Variants in FRY observed in about 807,000 individuals in gnomAD.
The protein encoded by FRY is protein furry homolog.
In FRY, 128 loss-of-function variants were observed where a neutral mutation model predicts 348.4. The observed-to-expected ratio is 0.37, with a 90% CI of 0.32 to 0.43. FRY has a LOEUF of 0.43. Among genes scored for constraint, FRY ranks in the 20% least tolerant of loss-of-function variants. The probability of loss-of-function intolerance (pLI) is 1.00; values close to 1 mark genes in which losing one functional copy is unlikely to be tolerated. For missense variants in FRY, 2,736 were observed against 3,695.2 expected, an observed-to-expected ratio of 0.74 and a Z score of 6.73; for synonymous variants, 1,370 against 1,374.7, an observed-to-expected ratio of 1.00 and a Z score of 0.08.
intron 1 of FRY, among the ~76,000 whole-genome samples, chr13:32,059,544 T>C (rs1380051188): frequency 9.3e-6 from 1 of 107,350 alleles, no homozygotes; most frequent in Non-Finnish European, 2.2e-5. Context: ...TTTTCTTTCA[T>C]CTTTTTTTTG....
intron 51 of FRY, among the ~76,000 whole-genome samples, chr13:32,255,765 G>C (rs1230257643): frequency 1.3e-5 from 2 of 152,194 alleles, no homozygotes; most frequent in Non-Finnish European, 2.9e-5. Context: ...AAATACAACT[G>C]TTTTGAATAC....
chr13:32,203,056 A>G lies in FRY; in HGVS notation c.4018+529A>G, dbSNP rs538206080. Among the ~76,000 whole-genome samples the G allele has an allele frequency of 4.6e-5, 7 of 152,348 alleles. No homozygotes were observed. The East Asian group carries it at 1.3e-3, about 29-fold the overall frequency. On this transcript the variant is annotated intron_variant, in intron 31 of 60. Coordinates refer to ENST00000542859, the MANE Select transcript of FRY (RefSeq NM_023037.3). ...TGAAAGTAAATTCTATAATTGTTAA[A>G]TGAAAAAAATTTCTTTATCTAAAGC...
intron 1 of FRY, among the ~76,000 whole-genome samples, chr13:32,059,569 G>A (rs546764657): frequency 6.6e-6 from 1 of 151,660 alleles, no homozygotes; most frequent in South Asian, 2.1e-4. Context: ...AGATTTAGGG[G>A]TGCACGTGCC....
intron 2 of FRY, among the ~76,000 whole-genome samples, chr13:32,093,351 C>G (rs1438918934): frequency 6.6e-6 from 1 of 152,192 alleles, no homozygotes; most frequent in African/African-American, 2.4e-5. Flanking sequence ...AAGGTCCACA[C>G]ATTGCAGTAG....
chr13:32,208,816 G>A lies in FRY; in HGVS notation c.4019-37G>A, dbSNP rs144643490. ...ATTTCCATTTATTTTGGTGGAATAA[G>A]GTATGGATGACTCTCTGTCACTGCA... On this transcript the variant is annotated intron_variant, in intron 31 of 60. Transcript: ENST00000542859. 3.6e-4 allele frequency: 581 copies of A among 1,612,920 alleles called. 2 individuals are homozygous for A. The African/African-American group carries it at 7.2e-3, about 20-fold the overall frequency.
At chr13:32,258,000 T>C (rs781226685) in intron 51 of FRY, 2 of 1,585,302 alleles carry the variant, frequency 1.3e-6, no homozygotes, top group South Asian at 1.1e-5. Flanking sequence ...TTAATTCAAA[T>C]ATGCTAGTAG....
chr13:32,179,678 A>G lies in FRY; in HGVS notation c.2875A>G (p.Ile959Val), dbSNP rs779667312. ...DGTVSYDNKA[I>V]GTPSVGVLLK... Reference sequence around the variant, plus strand: ...ACTTGTATTCAACTTATTTCAGGCCATAGGCACCCCATCGGTGGGAGTTCT... The same window carrying G: ...ACTTGTATTCAACTTATTTCAGGCCGTAGGCACCCCATCGGTGGGAGTTCT... The change falls in exon 23 of 61, where the codon ATA becomes GTA. Residue 959 changes from isoleucine to valine, a missense_variant. Physicochemically the swap from Ile to Val is conservative, Grantham distance 29 (BLOSUM62 3). Around this residue, in one of 9 missense-constraint regions of FRY, gnomAD observed 449 missense variants for 576.9 expected, o/e 0.78. Transcript: ENST00000542859. 1 of 1,614,114 alleles carries G rather than the reference A, an allele frequency of 6.2e-7. No individual in the cohort carries two copies. The highest frequency in any genetic ancestry group is 8.5e-7 in the Non-Finnish European group (1 of 1,179,972).
intron 3 of FRY, among the ~76,000 whole-genome samples, chr13:32,103,640 C>T (rs1877319990): frequency 6.6e-6 from 1 of 152,040 alleles, no homozygotes; most frequent in Non-Finnish European, 1.5e-5. Flanking sequence ...TGCACATGTA[C>T]CCTAAAACTT....
intron 49 of FRY, 102 bp from the exon 50 acceptor site, chr13:32,251,776 A>G (rs2806632): frequency 0.54 from 421,612 of 781,446 alleles, 116,521 homozygotes; most frequent in Middle Eastern, 0.59. Context: ...CATTCTGTCT[A>G]TACGTTAAGT....
chr13:32,124,699 C>A lies in FRY; in HGVS notation c.635+18C>A. 1.3e-6 allele frequency: 2 copies of A among 1,540,566 alleles called. No individual in the cohort carries two copies. The highest frequency in any genetic ancestry group is 1.8e-6 in the Non-Finnish European group (2 of 1,113,008). On this transcript the variant is annotated intron_variant, in intron 6 of 60. Coordinates refer to ENST00000542859, the MANE Select transcript of FRY (RefSeq NM_023037.3). The stretch of plus-strand genomic sequence containing the variant: ...AAAGAAGGGTAAGATGATTTCTCAC[C>A]TTAGAATGTTGAAGTTGGTGTTTAA...
At chr13:32,156,862 T>C (rs1343355564) in intron 15 of FRY, among the ~76,000 whole-genome samples, 1 of 152,174 alleles carries the variant, frequency 6.6e-6, no homozygotes, top group Non-Finnish European at 1.5e-5. Flanking sequence ...CATATATATT[T>C]CAGAGGGCCA....
chr13:32,267,092 CAG>C, intron 54 of FRY, 76 bp from the exon 55 acceptor site: 1 of 1,349,050 alleles, frequency 7.4e-7, no homozygotes, highest in South Asian at 1.2e-5. Context: ...TGCTGACTCT[CAG>C]GGTGAGAATT....
intron 2 of FRY, among the ~76,000 whole-genome samples, chr13:32,088,424 C>T (rs917781763): frequency 4.6e-5 from 7 of 152,164 alleles, no homozygotes; most frequent in African/African-American, 1.2e-4. Context: ...TAGCCTGGAA[C>T]GTCCCTTAAA....
In FRY at chr13:32,225,781, TG is replaced by T. The variant is rs1885548271; in HGVS notation, c.5021-7del. The T allele has an allele frequency of 2.5e-6, 4 of 1,609,194 alleles. No homozygotes were observed. The highest frequency in any genetic ancestry group is 2.7e-5 in the African/African-American group (2 of 74,968). On this transcript the variant is annotated splice_polypyrimidine_tract_variant and splice_region_variant and intron_variant, in intron 38 of 60. Coordinates refer to ENST00000542859, the MANE Select transcript of FRY (RefSeq NM_023037.3). Reference sequence around the variant, plus strand: ...TGTTTATACTTAGATTCTACTGTTTTGTTCCAGGTTTAGACCACTACCGGCC... The same window carrying T: ...TGTTTATACTTAGATTCTACTGTTTTTTCCAGGTTTAGACCACTACCGGCC...
chr13:32,164,833 T>A (rs1881644430), intron 17 of FRY, among the ~76,000 whole-genome samples: 1 of 152,204 alleles, frequency 6.6e-6, no homozygotes, highest in East Asian at 1.9e-4. Flanking sequence ...CTCTCCTAGA[T>A]AGTTCCTGCT....
At chr13:32,123,981 T>G (rs938732505) in intron 4 of FRY, among the ~76,000 whole-genome samples, 1 of 152,098 alleles carries the variant, frequency 6.6e-6, no homozygotes, top group African/African-American at 2.4e-5. Context: ...ATTACAGGCA[T>G]GGGCTACCAT....
At position 32,158,951 on chromosome 13, in the gene FRY, CAAAAAAAAAA is replaced by C. The variant is rs35585320; in HGVS notation, c.1784+1562_1784+1571del. ...AAAGAAATGCATATAGCTGTTTCCT[CAAAAAAAAAA>C]AAAAAAAAAAAAAAAGAGCTTTAAA... On this transcript the variant is annotated intron_variant, in intron 16 of 60. Transcript: ENST00000542859. Among the ~76,000 whole-genome samples the C allele has an allele frequency of 2.4e-4, 8 of 32,772 alleles. 1 individual carries two copies. The highest frequency in any genetic ancestry group is 6.4e-4 in the African/African-American group (6 of 9,322). 21.5% of individuals were successfully genotyped at this position (32,772 alleles called of 152,430 possible). A position where few individuals can be genotyped will look rare whatever the true frequency, so the allele number is the denominator to read the frequency against.
chr13:32,046,124 C>T (rs1404162565), intron 1 of FRY, among the ~76,000 whole-genome samples: 1 of 152,142 alleles, frequency 6.6e-6, no homozygotes, highest in Admixed American at 6.5e-5. Context: ...TAGGGAGTGA[C>T]TAAGAGACTG....
chr13:32,133,768 C>CTTTTTTTTTTTTTTTTTTTT (rs34413710), intron 8 of FRY, among the ~76,000 whole-genome samples: 17 of 89,280 alleles, frequency 1.9e-4, no homozygotes, highest in South Asian at 4.2e-4. Context: ...TTCTTTCTTT[C>CTTTTTTTTTTTTTTTTTTTT]TTTTTTTTTT....
Sources: gnomAD v4.1 joint callset for allele counts (sites outside exome capture counted in the v4.1 genomes callset) on GRCh38, gnomAD v4.1.1 for gene constraint, gnomAD v4.1.1 regional missense constraint, MANE v1.5 for transcripts, NCBI Gene and HGNC (gene_info 2026-07-23, HGNC 2026-07-21) for gene names.